The following ENTREP2 variants were observed in gnomAD, a reference collection of about 807,000 sequenced individuals.
ENTREP2 encodes the protein protein ENTREP2.
At chr15:29,224,771 G>A in the ENTREP2 span, among the ~76,000 whole-genome samples, 145 of 152,338 alleles carry the variant, frequency 9.5e-4, no homozygotes, top group African/African-American at 3.3e-3. Context: ...GGAGCTGCCT[G>A]CCAGTCCCCT....
the ENTREP2 span, among the ~76,000 whole-genome samples, chr15:29,411,526 T>G: frequency 2.0e-5 from 3 of 152,226 alleles, no homozygotes; most frequent in Non-Finnish European, 4.4e-5. Flanking sequence ...CACTTTTCTA[T>G]TGAGTTTTGT....
chr15:29,669,786 G>A, the ENTREP2 span, among the ~76,000 whole-genome samples: 1 of 152,156 alleles, frequency 6.6e-6, no homozygotes, highest in Non-Finnish European at 1.5e-5. Context: ...CTTCCTCAGT[G>A]CATCTTATTT....
the ENTREP2 span, chr15:29,196,584 C>A: frequency 3.9e-6 from 6 of 1,539,528 alleles, no homozygotes; most frequent in Non-Finnish European, 5.3e-6. Context: ...GGAACACAGA[C>A]AGACCTCACC....
chr15:29,607,123 GCATTCA>G, the ENTREP2 span, among the ~76,000 whole-genome samples: 5 of 152,138 alleles, frequency 3.3e-5, no homozygotes, highest in Admixed American at 2.0e-4. Flanking sequence ...ATGAGCCACC[GCATTCA>G]CATTTCAATA....
the ENTREP2 span, among the ~76,000 whole-genome samples, chr15:29,304,220 T>C: frequency 3.7e-4 from 57 of 152,186 alleles, no homozygotes; most frequent in South Asian, 4.0e-3. Context: ...ACTGAAAATA[T>C]TGAACAGATC....
the ENTREP2 span, among the ~76,000 whole-genome samples, chr15:29,379,626 G>A: frequency 5.9e-5 from 9 of 152,224 alleles, no homozygotes; most frequent in East Asian, 1.7e-3. Context: ...CCACTGGGAT[G>A]AGTCCTGAGA....
the ENTREP2 span, among the ~76,000 whole-genome samples, chr15:29,192,413 G>A: frequency 6.6e-6 from 1 of 152,198 alleles, no homozygotes; most frequent in Non-Finnish European, 1.5e-5. Flanking sequence ...GATGGAGAAA[G>A]CTGGAAAGAA....
the ENTREP2 span, among the ~76,000 whole-genome samples, chr15:29,305,202 T>A: frequency 6.6e-6 from 1 of 152,190 alleles, no homozygotes; most frequent in Non-Finnish European, 1.5e-5. Context: ...CAAAGATAAA[T>A]TTTTCATTTA....
chr15:29,458,630 C>T, the ENTREP2 span, among the ~76,000 whole-genome samples: 7 of 152,122 alleles, frequency 4.6e-5, no homozygotes, highest in Non-Finnish European at 8.8e-5. Flanking sequence ...GTCATGGTCA[C>T]GCCTCCTCTG....
At chr15:29,650,501 G>A in the ENTREP2 span, among the ~76,000 whole-genome samples, 2 of 152,054 alleles carry the variant, frequency 1.3e-5, no homozygotes, top group African/African-American at 4.8e-5. Flanking sequence ...GCTGAGACAG[G>A]AGAATCACTT....
At chr15:29,350,396 G>A in the ENTREP2 span, among the ~76,000 whole-genome samples, 1 of 151,950 alleles carries the variant, frequency 6.6e-6, no homozygotes, top group Non-Finnish European at 1.5e-5. Context: ...ATCAATAACA[G>A]GTGTATGTAC....
At chr15:29,409,934 C>T in the ENTREP2 span, among the ~76,000 whole-genome samples, 4 of 152,176 alleles carry the variant, frequency 2.6e-5, no homozygotes, top group East Asian at 1.9e-4. Context: ...CCAAAGCCCC[C>T]GATACCTGAG....
the ENTREP2 span, among the ~76,000 whole-genome samples, chr15:29,662,362 GT>G: frequency 3.9e-5 from 6 of 152,042 alleles, no homozygotes; most frequent in South Asian, 1.0e-3. Context: ...AAAAGTTTTG[GT>G]TTTGCTGCAG....
chr15:29,230,683 C>T, the ENTREP2 span, among the ~76,000 whole-genome samples: 6 of 151,502 alleles, frequency 4.0e-5, no homozygotes, highest in Admixed American at 1.3e-4. Context: ...GGGAACAGCA[C>T]GTACAAGGGA....
the ENTREP2 span, among the ~76,000 whole-genome samples, chr15:29,652,110 C>G: frequency 6.6e-6 from 1 of 152,296 alleles, no homozygotes; most frequent in South Asian, 2.1e-4. Context: ...GCAGGAGAGA[C>G]AATGGGACAA....
the ENTREP2 span, among the ~76,000 whole-genome samples, chr15:29,169,152 C>T: frequency 6.6e-6 from 1 of 152,164 alleles, no homozygotes; most frequent in African/African-American, 2.4e-5. Flanking sequence ...TGCATATATA[C>T]ATACAGAAAT....
the ENTREP2 span, among the ~76,000 whole-genome samples, chr15:29,226,821 C>T: frequency 2.0e-5 from 3 of 152,182 alleles, no homozygotes; most frequent in African/African-American, 7.2e-5. Flanking sequence ...AATTAAGGTC[C>T]TCCTCCAAAA....
the ENTREP2 span, among the ~76,000 whole-genome samples, chr15:29,536,679 A>C: frequency 6.6e-6 from 1 of 152,110 alleles, no homozygotes; most frequent in South Asian, 2.1e-4. Flanking sequence ...ATTTGGAAAG[A>C]AGGTCTTTGC....
At chr15:29,179,381 A>C in the ENTREP2 span, among the ~76,000 whole-genome samples, 3 of 152,226 alleles carry the variant, frequency 2.0e-5, no homozygotes, top group African/African-American at 4.8e-5. Flanking sequence ...AGGAAGACTT[A>C]GTGAATAATG....
Sources: allele counts gnomAD v4.1 joint callset (sites outside exome capture counted in the v4.1 genomes callset), GRCh38; gene constraint gnomAD v4.1.1; transcripts MANE v1.5; gene names NCBI Gene and HGNC (gene_info 2026-07-23, HGNC 2026-07-21).